GPHN: variants seen among roughly 807,000 people sequenced by gnomAD.
GPHN encodes gephyrin.
A neutral mutation model predicts 95.5 loss-of-function variants in GPHN; 17 were observed. The observed-to-expected ratio is 0.18, with a 90% CI of 0.12 to 0.27. The LOEUF (loss-of-function observed/expected upper bound fraction) is 0.27, where lower values mean the gene tolerates loss of function less well. Among genes scored for constraint, GPHN ranks in the 10% least tolerant of loss-of-function variants. GPHN has a pLI of 1.00. For missense variants in GPHN, 660 were observed against 978.1 expected, an observed-to-expected ratio of 0.67 and a Z score of 4.34; for synonymous variants, 320 against 322.5, an observed-to-expected ratio of 0.99 and a Z score of 0.08.
the GPHN span, among the ~76,000 whole-genome samples, chr14:67,529,633 G>A: frequency 1.3e-5 from 2 of 152,044 alleles, no homozygotes; most frequent in African/African-American, 4.8e-5. Context: ...TTCTCTGCAT[G>A]TCCAATCACT....
chr14:67,508,767 A>C, the GPHN span, among the ~76,000 whole-genome samples: 1 of 150,882 alleles, frequency 6.6e-6, no homozygotes, highest in Non-Finnish European at 1.5e-5. Flanking sequence ...AAAAAAAAAA[A>C]AAAACAGAAG....
At chr14:67,586,004 G>A in the GPHN span, 2 of 1,613,880 alleles carry the variant, frequency 1.2e-6, no homozygotes, top group Non-Finnish European at 1.7e-6. Flanking sequence ...GTGGCTGCAG[G>A]GATGACTTCA....
the GPHN span, chr14:67,645,652 C>T: frequency 6.4e-5 from 103 of 1,612,630 alleles, no homozygotes; most frequent in African/African-American, 1.0e-3. Flanking sequence ...GCCTGGCAAT[C>T]GGTACCATTA....
intron 4 of GPHN, among the ~76,000 whole-genome samples, chr14:66,878,625 A>G (rs1447666372): frequency 6.6e-6 from 1 of 152,210 alleles, no homozygotes; most frequent in Non-Finnish European, 1.5e-5. Context: ...GCTAAGGGTC[A>G]CTGGTCATTA....
chr14:66,515,408 A>G (rs1566741258), intron 1 of GPHN, among the ~76,000 whole-genome samples: 1 of 152,162 alleles, frequency 6.6e-6, no homozygotes, highest in Admixed American at 6.5e-5. Context: ...TTTAAAAGGT[A>G]TGTTTTTCTG....
the GPHN span, among the ~76,000 whole-genome samples, chr14:67,530,975 T>C: frequency 1.3e-5 from 2 of 152,230 alleles, no homozygotes; most frequent in African/African-American, 2.4e-5. Flanking sequence ...TCAGACCAGT[T>C]GACAAGTCCC....
the GPHN span, among the ~76,000 whole-genome samples, chr14:67,513,315 T>A: frequency 2.9e-3 from 435 of 152,228 alleles, 5 homozygotes; most frequent in African/African-American, 9.8e-3. Flanking sequence ...CCTGTTAGAA[T>A]GGGAAGGTCC....
At chr14:66,666,000 G>T (rs181197380) in intron 1 of GPHN, among the ~76,000 whole-genome samples, 21 of 147,640 alleles carry the variant, frequency 1.4e-4, no homozygotes, top group Admixed American at 1.3e-3. Context: ...CTATCGCAAG[G>T]ACAAAAAACC....
chr14:66,694,161 TGAGG>T (rs2067972117), intron 2 of GPHN, among the ~76,000 whole-genome samples: 2 of 152,142 alleles, frequency 1.3e-5, no homozygotes, highest in Admixed American at 6.5e-5. Context: ...GATTTAGTCA[TGAGG>T]GCAGAGACCT....
At chr14:66,706,847 A>G (rs1005983346) in intron 2 of GPHN, among the ~76,000 whole-genome samples, 3 of 152,180 alleles carry the variant, frequency 2.0e-5, no homozygotes, top group Admixed American at 2.0e-4. Context: ...TCTGCACAGC[A>G]AAAGAAACTA....
chr14:67,003,894 T>C (rs1029744711), intron 9 of GPHN, among the ~76,000 whole-genome samples: 2 of 151,664 alleles, frequency 1.3e-5, no homozygotes, highest in Non-Finnish European at 3.0e-5. Flanking sequence ...TAAACAGATA[T>C]GTGACTGACT....
rs538352161 is a variant in GPHN, at chr14:66,723,458, T to C, written c.143+42273T>C. ...TTAATAATTATGCTTGGATTGCTCA[T>C]GAAAATTTCATGAGACACTGCTCAA... On this transcript the variant is annotated intron_variant, in intron 2 of 22. Coordinates refer to ENST00000478722, the MANE Select transcript of GPHN (RefSeq NM_020806.5). 5.2e-4 allele frequency among the ~76,000 whole-genome samples: 79 copies of C among 152,202 alleles called. 1 individual carries two copies. Among genetic ancestry groups the C allele is most frequent in the Admixed American group, 5.1e-3 (78 of 15,276 alleles).
At chr14:66,773,782 G>A (rs1466870518) in intron 2 of GPHN, among the ~76,000 whole-genome samples, 1 of 152,042 alleles carries the variant, frequency 6.6e-6, no homozygotes, top group Non-Finnish European at 1.5e-5. Flanking sequence ...GTGTTGCATA[G>A]GCTGGTCTCA....
At chr14:67,206,280 CCTG>C in the GPHN span, among the ~76,000 whole-genome samples, 1 of 152,130 alleles carries the variant, frequency 6.6e-6, no homozygotes, top group Non-Finnish European at 1.5e-5. Context: ...GGGCAGATCA[CCTG>C]AGGTCAGGAG....
At chr14:66,710,584 G>C (rs1272030976) in intron 2 of GPHN, among the ~76,000 whole-genome samples, 1 of 152,040 alleles carries the variant, frequency 6.6e-6, no homozygotes, top group African/African-American at 2.4e-5. Context: ...AACTTCATTA[G>C]ATCTGCTTGT....
intron 1 of GPHN, among the ~76,000 whole-genome samples, chr14:66,615,488 T>G (rs2062969310): frequency 6.7e-6 from 1 of 150,288 alleles, no homozygotes; most frequent in Non-Finnish European, 1.5e-5. Context: ...TTTTTTTTTT[T>G]TGTATGTTTG....
intron 1 of GPHN, among the ~76,000 whole-genome samples, chr14:66,657,212 G>A (rs374740964): frequency 1.3e-5 from 2 of 152,326 alleles, no homozygotes; most frequent in East Asian, 1.9e-4. Flanking sequence ...CCAGGGCAAG[G>A]CCCGAATTCT....
At chr14:67,053,713 A>G (rs949176449) in intron 10 of GPHN, among the ~76,000 whole-genome samples, 1 of 152,238 alleles carries the variant, frequency 6.6e-6, no homozygotes, top group Non-Finnish European at 1.5e-5. Context: ...AAAAATTCTC[A>G]ATAAAATACT....
At chr14:66,840,726 G>T (rs552087483) in intron 4 of GPHN, among the ~76,000 whole-genome samples, 2 of 134,970 alleles carry the variant, frequency 1.5e-5, no homozygotes, top group African/African-American at 6.1e-5. Context: ...CTTATAGAGT[G>T]CAGGCCATAC....
Sources: allele counts gnomAD v4.1 joint callset (sites outside exome capture counted in the v4.1 genomes callset), GRCh38; gene constraint gnomAD v4.1.1; transcripts MANE v1.5; gene names NCBI Gene and HGNC (gene_info 2026-07-23, HGNC 2026-07-21).